Variants in NIPAL3 observed in about 807,000 individuals in gnomAD.
NIPAL3 encodes NIPA-like protein 3.
A neutral mutation model predicts 47.2 loss-of-function variants in NIPAL3; 41 were observed. That is an observed-to-expected ratio of 0.87 (90% CI 0.68 to 1.13). NIPAL3 has a LOEUF of 1.13. Among genes scored for constraint, NIPAL3 ranks in the 50% most tolerant of loss-of-function variants. NIPAL3 has a pLI of 0.00. For missense variants in NIPAL3, 449 were observed against 530.1 expected (o/e 0.85, Z 1.50); for synonymous variants, 194 against 209.6 (o/e 0.93, Z 0.64).
chr1:24,425,889 A>T (rs924197149), intron 2 of NIPAL3, among the ~76,000 whole-genome samples: 1 of 152,188 alleles, frequency 6.6e-6, no homozygotes, highest in Non-Finnish European at 1.5e-5. Flanking sequence ...CTTTTCATCC[A>T]TGAAGCCTTT....
intron 4 of NIPAL3, among the ~76,000 whole-genome samples, chr1:24,442,849 G>T (rs1465118049): frequency 2.0e-5 from 3 of 152,142 alleles, no homozygotes; most frequent in Non-Finnish European, 4.4e-5. Flanking sequence ...ATGCATCTGT[G>T]GTCCTAGCTA....
At chr1:24,445,047 A>G in intron 4 of NIPAL3, 138 bp from the exon 5 acceptor site, 1 of 587,706 alleles carries the variant, frequency 1.7e-6, no homozygotes, top group Non-Finnish European at 3.0e-6. Context: ...CACAGGAACC[A>G]AGCTTTTGGC....
At chr1:24,452,853 A>ATTTTTTTTTTTTTTTTTTTT (rs3054551) in intron 6 of NIPAL3, among the ~76,000 whole-genome samples, 4 of 124,216 alleles carry the variant, frequency 3.2e-5, no homozygotes, top group Non-Finnish European at 3.3e-5. Flanking sequence ...CGCCCAGCTA[A>ATTTTTTTTTTTTTTTTTTTT]TTTTTTTTTT....
chr1:24,443,349 C>T (rs971499801), intron 4 of NIPAL3, among the ~76,000 whole-genome samples: 1 of 152,200 alleles, frequency 6.6e-6, no homozygotes, highest in Admixed American at 6.5e-5. Context: ...ATTTTGCTGG[C>T]AAGCACTACT....
At chr1:24,442,273 G>A (rs752702959) in intron 4 of NIPAL3, 47 bp downstream of exon 4, 12 of 1,589,322 alleles carry the variant, frequency 7.6e-6, no homozygotes, top group African/African-American at 6.7e-5. Context: ...TCCCAGCTGC[G>A]TGACCAGAGT....
intron 3 of NIPAL3, among the ~76,000 whole-genome samples, chr1:24,441,056 C>T (rs1296438182): frequency 6.6e-6 from 1 of 152,198 alleles, no homozygotes; most frequent in Admixed American, 6.5e-5. Context: ...ATTCTTGTCT[C>T]AGGGACTGCT....
chr1:24,428,012 G>T (rs901466131), intron 2 of NIPAL3, among the ~76,000 whole-genome samples: 1 of 152,130 alleles, frequency 6.6e-6, no homozygotes, highest in South Asian at 2.1e-4. Flanking sequence ...CTGGAAGGCC[G>T]AGGCAGCCTT....
intron 2 of NIPAL3, chr1:24,420,243 T>G (rs556250755): frequency 6.6e-6 from 1 of 152,454 alleles, no homozygotes; most frequent in South Asian, 2.1e-4. Context: ...GGCTCATGGC[T>G]GTAATTCCAG....
chr1:24,456,338 A>G (rs751052113), intron 8 of NIPAL3, 65 bp downstream of exon 8: 3 of 1,605,532 alleles, frequency 1.9e-6, no homozygotes, highest in South Asian at 1.1e-5. Flanking sequence ...TGGGGGCCTG[A>G]TGACGTATGC....
At chr1:24,466,309 A>AAAAT (rs1041095345) in intron 11 of NIPAL3, 15 of 382,488 alleles carry the variant, frequency 3.9e-5, no homozygotes, top group South Asian at 2.0e-4. Context: ...CCTAAAATTA[A>AAAAT]AAATAAATAA....
Position 24,469,065 on chromosome 1 carries a change from C to T in NIPAL3, c.1101C>T (p.Asn367=), listed in dbSNP as rs757870833. The T allele has an allele frequency of 5.6e-6, 9 of 1,613,810 alleles. No individual in the cohort carries two copies. In the African/African-American group the frequency reaches 1.2e-4, roughly 22 times the overall value. The part of the protein sequence containing the change: ...KASFSYGALE[N]NDNISEIYAP... ...CTTTTTCCTATGGGGCTCTGGAAAA[C>T]AATGACAACATTTCTGAGATCTACG... The change falls in exon 12 of 12, where the codon AAC becomes AAT. Residue 367 remains asparagine (N), a synonymous_variant. Transcript: ENST00000374399.
intron 4 of NIPAL3, among the ~76,000 whole-genome samples, chr1:24,444,951 C>A (rs9424322): frequency 6.6e-6 from 1 of 152,206 alleles, no homozygotes; most frequent in Non-Finnish European, 1.5e-5. Flanking sequence ...GCCTGTCACA[C>A]AGCAGGTACT....
chr1:24,460,359 G>A, intron 9 of NIPAL3, 122 bp from the exon 10 acceptor site: 1 of 766,074 alleles, frequency 1.3e-6, no homozygotes, highest in Non-Finnish European at 2.1e-6. Flanking sequence ...GTAAGGCACA[G>A]TCATAAGTTT....
chr1:24,438,898 T>C (rs1645248651), intron 2 of NIPAL3, among the ~76,000 whole-genome samples: 1 of 152,170 alleles, frequency 6.6e-6, no homozygotes, highest in African/African-American at 2.4e-5. Context: ...TAAATGCTAG[T>C]ACACTTTGAC....
At position 24,469,195 on chromosome 1, in the gene NIPAL3, C is replaced by A. The variant is rs760337810; in HGVS notation, c.*10C>A. Reference sequence around the variant, plus strand: ...CACCAAGAAGGAATGAGACTCGCCTCCCTCTATTTATAACTGTCCCCTCCA... The same window carrying A: ...CACCAAGAAGGAATGAGACTCGCCTACCTCTATTTATAACTGTCCCCTCCA... On this transcript the variant is annotated 3_prime_UTR_variant, in exon 12 of 12. Coordinates refer to ENST00000374399, the MANE Select transcript of NIPAL3 (RefSeq NM_020448.5). 3 of 1,610,928 alleles carry A rather than the reference C, an allele frequency of 1.9e-6. No individual in the cohort carries two copies. Among genetic ancestry groups the A allele is most frequent in the Middle Eastern group, 1.7e-4 (1 of 6,050 alleles).
At chr1:24,456,115 T>C (rs750416469) in intron 7 of NIPAL3, 23 bp from the exon 8 acceptor site, 2 of 1,613,916 alleles carry the variant, frequency 1.2e-6, no homozygotes, top group Non-Finnish European at 1.7e-6. Context: ...GGCTCCCCAT[T>C]CGCCCTTGTC....
At chr1:24,463,978 C>T in intron 10 of NIPAL3, 48 bp from the exon 11 acceptor site, 1 of 1,516,972 alleles carries the variant, frequency 6.6e-7, no homozygotes, top group Non-Finnish European at 9.0e-7. Context: ...GCCTGCCCGA[C>T]CTTGCTCCTG....
chr1:24,413,772 G>C (rs1040571638), upstream of NIPAL3: 1 of 152,294 alleles, frequency 6.6e-6, no homozygotes, highest in Non-Finnish European at 1.5e-5. Flanking sequence ...CGCCGTCCGC[G>C]AGGTAACTCC....
intron 11 of NIPAL3, chr1:24,466,063 C>T: frequency 6.2e-7 from 1 of 1,612,132 alleles, no homozygotes. Flanking sequence ...CAGAAATTTA[C>T]CACATCACAA....
Sources: allele counts gnomAD v4.1 joint callset (sites outside exome capture counted in the v4.1 genomes callset), GRCh38; gene constraint gnomAD v4.1.1; transcripts MANE v1.5; gene names NCBI Gene and HGNC (gene_info 2026-07-23, HGNC 2026-07-21).